Variants in INTS7 observed in about 807,000 individuals in gnomAD.
INTS7 encodes chromosome 1 open reading frame 73.
INTS7 carries 46 observed loss-of-function variants against 109.2 expected under a neutral mutation model. The observed-to-expected ratio is 0.42, with a 90% CI of 0.33 to 0.54. The LOEUF is 0.54. Ranked by LOEUF, INTS7 falls within the 20% of genes least tolerant of loss-of-function variation. The probability of loss-of-function intolerance (pLI) is 0.07; values close to 1 mark genes in which losing one functional copy is unlikely to be tolerated. For missense variants in INTS7, 929 were observed against 1,132.4 expected (o/e 0.82, Z 2.58); for synonymous variants, 412 against 402.9 (o/e 1.02, Z -0.27).
chr1:211,972,409 T>A (rs1480722991), intron 13 of INTS7, among the ~76,000 whole-genome samples: 1 of 152,180 alleles, frequency 6.6e-6, no homozygotes, highest in South Asian at 2.1e-4. Flanking sequence ...TGCTCCAAAA[T>A]CTGAAACTGA....
At chr1:211,950,406 G>A (rs529999103) in intron 17 of INTS7, among the ~76,000 whole-genome samples, 2 of 152,124 alleles carry the variant, frequency 1.3e-5, no homozygotes, top group Admixed American at 1.3e-4. Flanking sequence ...CAAGTAGCTG[G>A]GATTACAGGT....
chr1:212,018,681 G>C (rs1323431022), intron 3 of INTS7, among the ~76,000 whole-genome samples: 2 of 151,722 alleles, frequency 1.3e-5, no homozygotes, highest in Non-Finnish European at 2.9e-5. Context: ...ATATCAACTA[G>C]CAAAATGAGT....
chr1:211,994,204 AC>A (rs1665269010), intron 7 of INTS7, among the ~76,000 whole-genome samples: 1 of 152,144 alleles, frequency 6.6e-6, no homozygotes, highest in African/African-American at 2.4e-5. Context: ...TAAGTAAAAA[AC>A]CTGTTATACA....
chr1:212,012,143 G>A (rs1666189703), intron 4 of INTS7, among the ~76,000 whole-genome samples: 4 of 152,100 alleles, frequency 2.6e-5, no homozygotes, highest in Admixed American at 2.6e-4. Flanking sequence ...TTGCCACTAG[G>A]GGACACTGCT....
intron 10 of INTS7, 131 bp downstream of exon 10, chr1:211,980,962 T>A: frequency 1.9e-6 from 1 of 529,876 alleles, no homozygotes; most frequent in Non-Finnish European, 3.4e-6. Context: ...TCAGTGTAGT[T>A]TTATCAGTTA....
chr1:211,999,812 G>C (rs1189124541), intron 7 of INTS7, among the ~76,000 whole-genome samples: 1 of 152,090 alleles, frequency 6.6e-6, no homozygotes, highest in Non-Finnish European at 1.5e-5. Flanking sequence ...CAAGGAAAAG[G>C]GGATATATAG....
At chr1:212,015,142 C>T (rs1208985525) in intron 4 of INTS7, among the ~76,000 whole-genome samples, 1 of 151,988 alleles carries the variant, frequency 6.6e-6, no homozygotes, top group East Asian at 1.9e-4. Flanking sequence ...TGGGGGGCAG[C>T]CCCTGCCCGG....
chr1:211,968,706 G>C lies in INTS7; in HGVS notation c.1817C>G (p.Ala606Gly). Residue 606 changes from alanine to glycine, a missense_variant and splice_region_variant, in exon 14 of 20, where the codon GCA becomes GGA. Around this residue, in one of 2 missense-constraint regions of INTS7, gnomAD observed 787 missense variants for 901.1 expected, o/e 0.87. Coordinates refer to ENST00000366994, the MANE Select transcript of INTS7 (RefSeq NM_015434.4). Reference protein sequence around the residue: ...FYHKGIASLTAASTPLNPLSF... With the variant: ...FYHKGIASLTGASTPLNPLSF... ...TAAAGGATTCAGTGGTGTACTAGCTGCCTGGGAAAAAAAAAAAAAAGAGAT... is the reference window on the plus strand; with the variant it reads ...TAAAGGATTCAGTGGTGTACTAGCTCCCTGGGAAAAAAAAAAAAAAGAGAT... 1 of 1,541,936 alleles carries C rather than the reference G, an allele frequency of 6.5e-7. No homozygotes were observed. Among genetic ancestry groups the C allele is most frequent in the Non-Finnish European group, 8.7e-7 (1 of 1,145,258 alleles).
chr1:211,985,538 G>C (rs956460676), intron 8 of INTS7, among the ~76,000 whole-genome samples: 3 of 152,040 alleles, frequency 2.0e-5, no homozygotes, highest in African/African-American at 7.2e-5. Context: ...CAAATACCTA[G>C]CTTGAAAAGT....
At chr1:211,978,146 G>T in intron 11 of INTS7, 126 bp downstream of exon 11, 1 of 1,093,888 alleles carries the variant, frequency 9.1e-7, no homozygotes. Flanking sequence ...TTGGTCTTAG[G>T]TAATGAATTT....
At chr1:211,984,206 T>C (rs1664792209) in intron 8 of INTS7, among the ~76,000 whole-genome samples, 1 of 152,202 alleles carries the variant, frequency 6.6e-6, no homozygotes, top group African/African-American at 2.4e-5. Context: ...ATATCTTTAT[T>C]TTTTCAAAAC....
At chr1:212,016,841 T>C (rs756291877) in intron 4 of INTS7, 45 bp downstream of exon 4, 5 of 1,547,998 alleles carry the variant, frequency 3.2e-6, no homozygotes, top group African/African-American at 1.4e-5. Context: ...AAAATTTTTC[T>C]TGGGAAGCCA....
At chr1:211,944,755 A>G in intron 19 of INTS7, 29 bp downstream of exon 19, 1 of 1,578,052 alleles carries the variant, frequency 6.3e-7, no homozygotes, top group Middle Eastern at 1.7e-4. Flanking sequence ...TAAAACCTGT[A>G]TCACAATTCT....
At chr1:211,988,555 A>T (rs563577209) in intron 7 of INTS7, among the ~76,000 whole-genome samples, 2 of 152,244 alleles carry the variant, frequency 1.3e-5, no homozygotes, top group Non-Finnish European at 2.9e-5. Flanking sequence ...AGAATTATGA[A>T]TAAAGAATGA....
At chr1:211,974,862 A>G (rs1006565371) in intron 13 of INTS7, among the ~76,000 whole-genome samples, 12 of 152,188 alleles carry the variant, frequency 7.9e-5, no homozygotes, top group African/African-American at 2.7e-4. Flanking sequence ...TGATGGTGGT[A>G]CTGATGCACA....
chr1:212,011,554 G>A (rs1436938517), intron 4 of INTS7, 133 bp from the exon 5 acceptor site: 2 of 639,634 alleles, frequency 3.1e-6, no homozygotes, highest in African/African-American at 1.8e-5. Flanking sequence ...TCCAAGGTCA[G>A]GTGCTCGGGT....
intron 19 of INTS7, 99 bp downstream of exon 19, chr1:211,944,685 T>C: frequency 2.1e-6 from 2 of 959,392 alleles, no homozygotes; most frequent in Admixed American, 1.8e-5. Flanking sequence ...CCTTTGGAGG[T>C]ATAACTGCAA....
rs182289529 is a variant in INTS7, at chr1:211,972,444, T to C, written c.1815+2722A>G. Among the ~76,000 whole-genome samples the C allele has an allele frequency of 8.4e-4, 128 of 152,290 alleles. 1 individual carries two copies. The highest frequency in any genetic ancestry group is 6.9e-3 in the Admixed American group (106 of 15,290). On this transcript the variant is annotated intron_variant, in intron 13 of 19. Transcript: ENST00000366994. ...ACATGATGTTCAAAGGAAATGTTCA[T>C]TGGAACGTTTCAAATTTTGAATTAG... is the stretch of plus-strand genomic sequence containing the variant.
chr1:212,003,913 G>C lies in INTS7; in HGVS notation c.879+2726C>G, dbSNP rs139435372. On this transcript the variant is annotated intron_variant, in intron 7 of 19. Transcript: ENST00000366994. ...GAAACCCCCCTCTCCTCCAAAGAGT[G>C]AAAAGGAACAGGGGAGACAGAGAGA... Among the ~76,000 whole-genome samples, 517 of 152,292 alleles carry C rather than the reference G, an allele frequency of 3.4e-3. 6 individuals are homozygous for C. The highest frequency in any genetic ancestry group is 0.011 in the African/African-American group (474 of 41,556).
Sources: allele counts gnomAD v4.1 joint callset (sites outside exome capture counted in the v4.1 genomes callset), GRCh38; gene constraint gnomAD v4.1.1; regional missense constraint gnomAD v4.1.1; transcripts MANE v1.5; gene names NCBI Gene and HGNC (gene_info 2026-07-23, HGNC 2026-07-21).